COL10A1: variants seen among roughly 807,000 people sequenced by gnomAD.
The protein encoded by COL10A1 is collagen type X alpha 1 chain.
A neutral mutation model predicts 18.2 loss-of-function variants in COL10A1; 10 were observed. That is an observed-to-expected ratio of 0.55 (90% CI 0.34 to 0.93). The LOEUF (loss-of-function observed/expected upper bound fraction) is 0.93, where lower values mean the gene tolerates loss of function less well. Ranked by LOEUF, COL10A1 falls within the 40% of genes least tolerant of loss-of-function variation. The pLI is 0.02. For synonymous variants in COL10A1, 330 were observed against 316.6 expected (o/e 1.04, Z -0.45); for missense variants, 897 against 853.5 (o/e 1.05, Z -0.64).
At chr6:116,135,893 CT>C (rs1384121443) in intron 1 of COL10A1, among the ~76,000 whole-genome samples, 2 of 131,254 alleles carry the variant, frequency 1.5e-5, no homozygotes, top group East Asian at 4.9e-4. Flanking sequence ...ACACACATTG[CT>C]AAATGGTTAC....
intron 1 of COL10A1, among the ~76,000 whole-genome samples, chr6:116,152,886 A>G (rs1320303316): frequency 6.6e-6 from 1 of 152,106 alleles, no homozygotes; most frequent in African/African-American, 2.4e-5. Context: ...ATTGTGCTCT[A>G]TGATGTCGCC....
intron 2 of COL10A1, among the ~76,000 whole-genome samples, chr6:116,122,364 G>T (rs1779156707): frequency 6.6e-6 from 1 of 152,144 alleles, no homozygotes; most frequent in Non-Finnish European, 1.5e-5. Flanking sequence ...CCCTCCCAAA[G>T]CTACCCTGTC....
At chr6:116,196,053 A>AG in the COL10A1 span, among the ~76,000 whole-genome samples, 1 of 152,014 alleles carries the variant, frequency 6.6e-6, no homozygotes, top group Non-Finnish European at 1.5e-5. Flanking sequence ...CGGGTTGTTA[A>AG]GGGGCTAAAC....
intron 2 of COL10A1, among the ~76,000 whole-genome samples, 172 bp downstream of exon 2, chr6:116,125,167 T>C (rs556358438): frequency 2.2e-4 from 34 of 152,252 alleles, no homozygotes; most frequent in African/African-American, 7.2e-4. Context: ...ACTACACTTA[T>C]TGGATATTCT....
In COL10A1 at chr6:116,120,533, G is replaced by A; in HGVS notation, c.1583C>T (p.Ala528Val). Residue 528 changes from alanine (A) to valine (V), a missense_variant, in exon 3 of 3, where the codon GCA (alanine) becomes GTA (valine). Transcript: ENST00000651968. The stretch of plus-strand genomic sequence containing the variant: ...CCCAGAAAGACTGGGCCTTTGGCCT[G>A]CCTTTATAAAACCCTCAGGCATGAC... ...QAVMPEGFIK[A>V]GQRPSLSGTP... The A allele has an allele frequency of 8.1e-6, 13 of 1,613,998 alleles. No homozygotes were observed. Among genetic ancestry groups the A allele is most frequent in the Non-Finnish European group, 1.0e-5 (12 of 1,179,974 alleles).
upstream of COL10A1, among the ~76,000 whole-genome samples, chr6:116,129,061 C>G (rs1779397898): frequency 6.6e-6 from 1 of 152,082 alleles, no homozygotes; most frequent in Non-Finnish European, 1.5e-5. Flanking sequence ...TGAAGTAAAT[C>G]CCATATATTG....
chr6:116,211,351 C>T, the COL10A1 span, among the ~76,000 whole-genome samples: 1 of 151,932 alleles, frequency 6.6e-6, no homozygotes, highest in Non-Finnish European at 1.5e-5. Flanking sequence ...TTATTTTAAG[C>T]CATCATGTTT....
chr6:116,142,175 A>G (rs972298035), intron 1 of COL10A1, among the ~76,000 whole-genome samples: 1 of 152,138 alleles, frequency 6.6e-6, no homozygotes, highest in African/African-American at 2.4e-5. Flanking sequence ...TAATATTAGT[A>G]TAGTTCACAG....
chr6:116,196,899 C>G, the COL10A1 span, among the ~76,000 whole-genome samples: 2 of 151,686 alleles, frequency 1.3e-5, no homozygotes, highest in African/African-American at 4.8e-5. Context: ...CTCCCCTCTT[C>G]TACTCTGGTG....
At chr6:116,215,415 G>A in the COL10A1 span, among the ~76,000 whole-genome samples, 1 of 152,082 alleles carries the variant, frequency 6.6e-6, no homozygotes, top group Non-Finnish European at 1.5e-5. Flanking sequence ...CCAATGTTAT[G>A]CCTGTATGGC....
chr6:116,182,132 G>A, the COL10A1 span, among the ~76,000 whole-genome samples: 1 of 151,806 alleles, frequency 6.6e-6, no homozygotes, highest in Non-Finnish European at 1.5e-5. Context: ...CCATTCCTGA[G>A]TTACTTCACC....
At chr6:116,154,725 CTCAT>C (rs1336521777) in intron 1 of COL10A1, among the ~76,000 whole-genome samples, 4 of 152,114 alleles carry the variant, frequency 2.6e-5, no homozygotes, top group African/African-American at 7.2e-5. Context: ...TAAATAATTT[CTCAT>C]TCATTCTATT....
At chr6:116,134,900 A>C (rs938807934) in intron 1 of COL10A1, among the ~76,000 whole-genome samples, 1 of 152,186 alleles carries the variant, frequency 6.6e-6, no homozygotes, top group African/African-American at 2.4e-5. Flanking sequence ...TGAGATGGAA[A>C]GAAAAAGGAG....
At chr6:116,130,568 G>A (rs1779434295), upstream of COL10A1, among the ~76,000 whole-genome samples, 1 of 152,104 alleles carries the variant, frequency 6.6e-6, no homozygotes, top group South Asian at 2.1e-4. Flanking sequence ...CACAGTCTGA[G>A]TGCCTGGATG....
upstream of COL10A1, among the ~76,000 whole-genome samples, chr6:116,127,979 G>A (rs1325896176): frequency 6.6e-6 from 1 of 152,030 alleles, no homozygotes; most frequent in Admixed American, 6.6e-5. Flanking sequence ...TGGTTTCTAA[G>A]CTCCTCCCAG....
At position 116,120,398 on chromosome 6, in the gene COL10A1, T is replaced by G. The variant is rs746777252; in HGVS notation, c.1718A>C (p.Lys573Thr). 1 of 1,614,246 alleles carries G rather than the reference T, an allele frequency of 6.2e-7. No homozygotes were observed. The highest frequency in any genetic ancestry group is 8.5e-7 in the Non-Finnish European group (1 of 1,180,038). ...ATGCTGTTGCCTGTTATACAAAATTTTATCAAATGGTATGGGAGTTCCTAT... is the reference window on the plus strand; with the variant it reads ...ATGCTGTTGCCTGTTATACAAAATTGTATCAAATGGTATGGGAGTTCCTAT... Reference protein sequence around the residue: ...PAIGTPIPFDKILYNRQQHYD... With the variant: ...PAIGTPIPFDTILYNRQQHYD... Residue 573 changes from lysine (K) to threonine (T), a missense_variant, in exon 3 of 3, where the codon AAA becomes ACA. By Grantham distance (78) the Lys-to-Thr change is moderately conservative. Transcript: ENST00000651968.
chr6:116,165,994 C>T, the COL10A1 span, among the ~76,000 whole-genome samples: 3 of 152,196 alleles, frequency 2.0e-5, no homozygotes, highest in Non-Finnish European at 4.4e-5. Flanking sequence ...CCACTCTGTG[C>T]TCTGTCCCCA....
At chr6:116,210,656 C>T in the COL10A1 span, among the ~76,000 whole-genome samples, 1 of 151,842 alleles carries the variant, frequency 6.6e-6, no homozygotes, top group African/African-American at 2.4e-5. Flanking sequence ...CAAAAATAAG[C>T]ACTCAGATTA....
At chr6:116,162,421 A>G (rs181620111), upstream of COL10A1, among the ~76,000 whole-genome samples, 238 of 152,274 alleles carry the variant, frequency 1.6e-3, no homozygotes, top group Non-Finnish European at 2.8e-3. Flanking sequence ...TTTGTCAAAT[A>G]TGGTTCTTAG....
Sources: gnomAD v4.1 joint callset for allele counts (sites outside exome capture counted in the v4.1 genomes callset) on GRCh38, gnomAD v4.1.1 for gene constraint, MANE v1.5 for transcripts, NCBI Gene and HGNC (gene_info 2026-07-23, HGNC 2026-07-21) for gene names.